KCNMB2: variants seen among roughly 807,000 people sequenced by gnomAD.
KCNMB2 encodes potassium calcium-activated channel subfamily M regulatory beta subunit 2, also known as calcium-activated potassium channel subunit beta-2.
In KCNMB2, 9 loss-of-function variants were observed where a neutral mutation model predicts 24.5. The observed-to-expected ratio is 0.37, with a 90% CI of 0.22 to 0.64. KCNMB2 has a LOEUF of 0.64. KCNMB2 is among the 30% of genes least tolerant of loss of function. The pLI, the probability that KCNMB2 is intolerant of heterozygous loss-of-function variation, is 0.63. For synonymous variants in KCNMB2, 109 were observed against 104.4 expected, an observed-to-expected ratio of 1.04 and a Z score of -0.27; for missense variants, 226 against 284.3, an observed-to-expected ratio of 0.79 and a Z score of 1.47.
chr3:178,706,332 G>T (rs1328430615), intron 1 of KCNMB2, among the ~76,000 whole-genome samples: 1 of 152,046 alleles, frequency 6.6e-6, no homozygotes. Flanking sequence ...GGCACAGGGA[G>T]GACCTCCCCA....
chr3:178,667,254 G>T (rs1169001217), intron 1 of KCNMB2, among the ~76,000 whole-genome samples: 2 of 152,034 alleles, frequency 1.3e-5, no homozygotes, highest in Non-Finnish European at 2.9e-5. Flanking sequence ...AGAAGACCAT[G>T]TGCTATTGTT....
intron 1 of KCNMB2, among the ~76,000 whole-genome samples, chr3:178,568,801 AGATAGATAGATAGAT>A (rs368683292): frequency 0.35 from 42,610 of 120,876 alleles, 7,116 homozygotes; most frequent in African/African-American, 0.49. Flanking sequence ...ATAGATAGAT[AGATAGATAGATAGAT>A]AATAGATAGA....
chr3:178,592,914 T>A (rs1262470572), intron 1 of KCNMB2, among the ~76,000 whole-genome samples: 1 of 152,132 alleles, frequency 6.6e-6, no homozygotes, highest in Non-Finnish European at 1.5e-5. Flanking sequence ...CTCTTTTGCT[T>A]TAACGTGGTC....
intron 1 of KCNMB2, among the ~76,000 whole-genome samples, chr3:178,786,083 T>C (rs568700903): frequency 6.6e-6 from 1 of 152,196 alleles, no homozygotes; most frequent in South Asian, 2.1e-4. Flanking sequence ...ATAAAAGACA[T>C]GAATAAATCA....
rs1402260444 is a variant in KCNMB2, at chr3:178,587,661, G to A, written c.-68+50950G>A. 2.0e-5 allele frequency among the ~76,000 whole-genome samples: 3 copies of A among 150,250 alleles called. No homozygotes were observed. In the South Asian group the frequency reaches 6.3e-4, roughly 32 times the overall value. On this transcript the variant is annotated intron_variant, in intron 1 of 4. Transcript: ENST00000452583. ...GGGTTTCACCATGTTGGTCAGGCTG[G>A]TCTCAAACTCATGATCTCAGGTGAT...
intron 1 of KCNMB2, among the ~76,000 whole-genome samples, chr3:178,580,482 C>T (rs1240138020): frequency 6.6e-6 from 1 of 152,048 alleles, no homozygotes; most frequent in Non-Finnish European, 1.5e-5. Flanking sequence ...CCTCTCTCCA[C>T]TCCTATTCAA....
At chr3:178,818,356 C>T (rs1218383479) in intron 2 of KCNMB2, among the ~76,000 whole-genome samples, 1 of 152,096 alleles carries the variant, frequency 6.6e-6, no homozygotes, top group Non-Finnish European at 1.5e-5. Flanking sequence ...TGGTTTGCTG[C>T]ACCTATCAAC....
intron 1 of KCNMB2, among the ~76,000 whole-genome samples, chr3:178,786,433 G>T (rs1713101735): frequency 6.6e-6 from 1 of 152,032 alleles, no homozygotes; most frequent in South Asian, 2.1e-4. Context: ...AATGGAATAG[G>T]GTGAGGAAGA....
In KCNMB2 at chr3:178,842,973, C is replaced by CA. The variant is rs755908619; in HGVS notation, c.*39dup. ...GGATAAAATAATTTTTGTTAAAGCT[C>CA]AAATACTGTTTTCTTTCATTCTTCA... On this transcript the variant is annotated 3_prime_UTR_variant, in exon 5 of 5. Transcript: ENST00000452583. 1 of 1,543,130 alleles carries CA rather than the reference C, an allele frequency of 6.5e-7. No individual in the cohort carries two copies. Among genetic ancestry groups the CA allele is most frequent in the Non-Finnish European group, 8.8e-7 (1 of 1,131,768 alleles).
intron 2 of KCNMB2, among the ~76,000 whole-genome samples, chr3:178,815,707 T>C (rs914472724): frequency 6.6e-6 from 1 of 152,100 alleles, no homozygotes; most frequent in Non-Finnish European, 1.5e-5. Flanking sequence ...TGTTCCTATC[T>C]TTTCAATTTG....
At position 178,748,724 on chromosome 3, in the gene KCNMB2, T is replaced by C. The variant is rs111570224; in HGVS notation, c.-67-58619T>C. On this transcript the variant is annotated intron_variant, in intron 1 of 4. Coordinates refer to ENST00000452583, the MANE Select transcript of KCNMB2 (RefSeq NM_181361.3). Reference sequence around the variant, plus strand: ...ACAAATAGAAGCTAGCTATTGAAAATTGAGAACCCCGCTATTGAAAATTGA... The same window carrying C: ...ACAAATAGAAGCTAGCTATTGAAAACTGAGAACCCCGCTATTGAAAATTGA... 2.8e-3 allele frequency among the ~76,000 whole-genome samples: 433 copies of C among 152,262 alleles called. 4 individuals carry two copies. Among genetic ancestry groups the C allele is most frequent in the African/African-American group, 9.8e-3 (405 of 41,536 alleles).
chr3:178,615,032 C>T (rs1407406065), intron 1 of KCNMB2, among the ~76,000 whole-genome samples: 1 of 152,174 alleles, frequency 6.6e-6, no homozygotes, highest in African/African-American at 2.4e-5. Flanking sequence ...AGAAGTGCTG[C>T]CTTGATGGTC....
At chr3:178,687,132 T>C (rs1471862921) in intron 1 of KCNMB2, among the ~76,000 whole-genome samples, 1 of 152,090 alleles carries the variant, frequency 6.6e-6, no homozygotes, top group Non-Finnish European at 1.5e-5. Flanking sequence ...CGGGAATCCA[T>C]ATGAGGATGC....
intron 2 of KCNMB2, among the ~76,000 whole-genome samples, chr3:178,816,041 A>G (rs1010339652): frequency 6.6e-6 from 1 of 151,864 alleles, no homozygotes; most frequent in African/African-American, 2.4e-5. Context: ...TAGGTTGGGT[A>G]GCATTTCATC....
intron 1 of KCNMB2, among the ~76,000 whole-genome samples, chr3:178,767,220 G>A (rs368351821): frequency 6.6e-6 from 1 of 152,286 alleles, no homozygotes; most frequent in South Asian, 2.1e-4. Context: ...AAGGAATAAC[G>A]TTAAAGCAAA....
intron 1 of KCNMB2, among the ~76,000 whole-genome samples, chr3:178,767,523 A>C (rs1191220196): frequency 1.3e-5 from 2 of 152,222 alleles, no homozygotes; most frequent in Admixed American, 1.3e-4. Flanking sequence ...TAGAGCCCAC[A>C]TAAATCTGTT....
chr3:178,819,453 A>G (rs1714540457), intron 2 of KCNMB2, among the ~76,000 whole-genome samples: 1 of 151,590 alleles, frequency 6.6e-6, no homozygotes, highest in South Asian at 2.1e-4. Context: ...CTGTCTTTCC[A>G]TCTCTTGTCC....
At chr3:178,631,611 T>C (rs1719323234) in intron 1 of KCNMB2, among the ~76,000 whole-genome samples, 1 of 152,204 alleles carries the variant, frequency 6.6e-6, no homozygotes, top group African/African-American at 2.4e-5. Flanking sequence ...AGATGAATAA[T>C]TGTTCCTTGA....
intron 1 of KCNMB2, among the ~76,000 whole-genome samples, chr3:178,555,839 A>C (rs1354166281): frequency 1.3e-5 from 2 of 152,226 alleles, no homozygotes; most frequent in African/African-American, 4.8e-5. Context: ...TCACTGTTAT[A>C]CTAGACTCAC....
Sources: gnomAD v4.1 joint callset for allele counts (sites outside exome capture counted in the v4.1 genomes callset) on GRCh38, gnomAD v4.1.1 for gene constraint, MANE v1.5 for transcripts, NCBI Gene and HGNC (gene_info 2026-07-23, HGNC 2026-07-21) for gene names.